Variants in STMN2 observed in about 807,000 individuals in gnomAD.
STMN2 encodes the protein stathmin 2.
Under a neutral mutation model 24.1 loss-of-function variants are expected in STMN2, and 2 were observed. The ratio of observed to expected loss-of-function variants is 0.08; its 90% CI spans 0.03 to 0.26. STMN2 has a LOEUF of 0.26. STMN2 is among the 10% of genes least tolerant of loss of function. The probability of loss-of-function intolerance (pLI) is 1.00; values close to 1 mark genes in which losing one functional copy is unlikely to be tolerated. For missense variants in STMN2, 114 were observed against 213.6 expected (o/e 0.53, Z 2.91); for synonymous variants, 83 against 77.5 (o/e 1.07, Z -0.37).
chr8:79,641,601 C>T (rs1455712286), intron 3 of STMN2, 51 bp downstream of exon 3: 3 of 1,510,378 alleles, frequency 2.0e-6, no homozygotes, highest in Non-Finnish European at 2.7e-6. Context: ...CTGCTCCTCC[C>T]TCTCACACAC....
Position 79,664,865 on chromosome 8 carries a change from G to T in STMN2, c.531G>T (p.Leu177=), listed in dbSNP as rs371260686. 1 of 1,613,100 alleles carries T rather than the reference G, an allele frequency of 6.2e-7. No homozygotes were observed. Among genetic ancestry groups the T allele is most frequent in the South Asian group, 1.1e-5 (1 of 91,036 alleles). ...VRRNKELQVE[L]SG ...GGAACAAGGAACTCCAGGTTGAACT[G>T]TCTGGCTGAAGCAAGGGAGGGTCTG... Residue 177 remains leucine (L), a synonymous_variant, in exon 5 of 5, where the codon CTG becomes CTT. Coordinates refer to ENST00000220876, the MANE Select transcript of STMN2 (RefSeq NM_007029.4).
chr8:79,641,880 C>T (rs1197930171), intron 3 of STMN2, among the ~76,000 whole-genome samples: 1 of 152,152 alleles, frequency 6.6e-6, no homozygotes, highest in Non-Finnish European at 1.5e-5. Flanking sequence ...GCCTCCCTTC[C>T]CTAGACCATC....
At chr8:79,614,480 A>C (rs925057155) in intron 1 of STMN2, among the ~76,000 whole-genome samples, 8 of 152,178 alleles carry the variant, frequency 5.3e-5, no homozygotes, top group African/African-American at 1.9e-4. Flanking sequence ...AATTAATCTC[A>C]TGTATTTAGT....
intron 2 of STMN2, among the ~76,000 whole-genome samples, chr8:79,637,330 T>A (rs989719168): frequency 6.6e-6 from 1 of 152,194 alleles, no homozygotes; most frequent in Non-Finnish European, 1.5e-5. Context: ...ATACTTTGTA[T>A]ATACATGTCA....
chr8:79,664,479 G>A (rs961846469), intron 4 of STMN2, among the ~76,000 whole-genome samples: 6 of 152,096 alleles, frequency 3.9e-5, no homozygotes, highest in Non-Finnish European at 5.9e-5. Context: ...CAAAAGGAAC[G>A]ACATCATTAG....
chr8:79,615,537 C>T (rs1049680759), intron 1 of STMN2, among the ~76,000 whole-genome samples: 1 of 152,166 alleles, frequency 6.6e-6, no homozygotes, highest in African/African-American at 2.4e-5. Context: ...GCCAGTGACC[C>T]AGATGTTTTC....
At position 79,664,853 on chromosome 8, in the gene STMN2, C is replaced by A. The variant is rs1806569111; in HGVS notation, c.519C>A (p.Leu173=). The A allele has an allele frequency of 6.2e-7, 1 of 1,613,154 alleles. No individual in the cohort carries two copies. The highest frequency in any genetic ancestry group is 1.3e-5 in the African/African-American group (1 of 74,944). ...CGGAGGTGCGCAGGAACAAGGAACT[C>A]CAGGTTGAACTGTCTGGCTGAAGCA... ...HAAEVRRNKE[L]QVELSG The change falls in exon 5 of 5, where the codon CTC becomes CTA. Residue 173 remains leucine, a synonymous_variant. Coordinates refer to ENST00000220876, the MANE Select transcript of STMN2 (RefSeq NM_007029.4).
chr8:79,660,833 T>C (rs1253519828), intron 4 of STMN2, among the ~76,000 whole-genome samples: 1 of 151,746 alleles, frequency 6.6e-6, no homozygotes, highest in Non-Finnish European at 1.5e-5. Context: ...GTCTCTAAAG[T>C]CCATTATATC....
chr8:79,615,691 TC>T (rs1809367402), intron 1 of STMN2, among the ~76,000 whole-genome samples: 1 of 152,198 alleles, frequency 6.6e-6, no homozygotes, highest in Non-Finnish European at 1.5e-5. Context: ...TAAAATCTTT[TC>T]TTTTACCAGG....
intron 4 of STMN2, among the ~76,000 whole-genome samples, chr8:79,656,884 G>GTTTTTTTTGTTTT (rs71266026): frequency 6.7e-6 from 1 of 150,206 alleles, no homozygotes. Context: ...TTGTTTGTTT[G>GTTTTTTTTGTTTT]TTTTTTTGAG....
At chr8:79,663,910 G>A (rs1394159083) in intron 4 of STMN2, among the ~76,000 whole-genome samples, 4 of 152,032 alleles carry the variant, frequency 2.6e-5, no homozygotes, top group Non-Finnish European at 5.9e-5. Flanking sequence ...CTAGTACCTT[G>A]GTTCCTTATG....
chr8:79,638,367 T>C (rs1810015151), intron 2 of STMN2, among the ~76,000 whole-genome samples: 1 of 152,222 alleles, frequency 6.6e-6, no homozygotes, highest in South Asian at 2.1e-4. Flanking sequence ...AAATAAGCTG[T>C]TTTTATTTGC....
Position 79,664,979 on chromosome 8 carries a change from G to C in STMN2, c.*105G>C. ...GGGAATGTATGACATGGTTTAAAAAGAACTCATTATAAAAAAAAAAAAACA... is the reference window on the plus strand; with the variant it reads ...GGGAATGTATGACATGGTTTAAAAACAACTCATTATAAAAAAAAAAAAACA... On this transcript the variant is annotated 3_prime_UTR_variant, in exon 5 of 5. Transcript: ENST00000220876. 1.5e-5 allele frequency: 11 copies of C among 710,602 alleles called. No homozygotes were observed. The highest frequency in any genetic ancestry group is 9.5e-5 in the East Asian group (2 of 21,056). The allele number at this position is 710,602 out of a possible 1,614,324, so 44.0% of individuals were successfully genotyped here. A position where few individuals can be genotyped will look rare whatever the true frequency, so the allele number is the denominator to read the frequency against.
chr8:79,615,785 A>AG (rs1809369930), intron 1 of STMN2, among the ~76,000 whole-genome samples: 1 of 152,246 alleles, frequency 6.6e-6, no homozygotes, highest in African/African-American at 2.4e-5. Context: ...TCAAGGAGAC[A>AG]GGATGAAATG....
At chr8:79,634,035 T>G (rs1186950896) in intron 1 of STMN2, among the ~76,000 whole-genome samples, 1 of 152,250 alleles carries the variant, frequency 6.6e-6, no homozygotes, top group African/African-American at 2.4e-5. Flanking sequence ...TCTTTTATTT[T>G]ATTTTTATGT....
chr8:79,619,652 T>C (rs1237768513), intron 1 of STMN2, among the ~76,000 whole-genome samples: 3 of 152,216 alleles, frequency 2.0e-5, no homozygotes, highest in Non-Finnish European at 4.4e-5. Flanking sequence ...CTGGGAACTC[T>C]GCTTCAGAAC....
intron 3 of STMN2, among the ~76,000 whole-genome samples, chr8:79,646,037 T>C (rs1563444011): frequency 6.6e-6 from 1 of 152,210 alleles, no homozygotes. Context: ...AGTCATTGCC[T>C]GAGTACTACA....
At chr8:79,661,571 A>G (rs1345249912) in intron 4 of STMN2, among the ~76,000 whole-genome samples, 2 of 152,082 alleles carry the variant, frequency 1.3e-5, no homozygotes, top group African/African-American at 4.8e-5. Flanking sequence ...AAATAGGAAA[A>G]GGGATTAAAA....
intron 1 of STMN2, among the ~76,000 whole-genome samples, chr8:79,632,851 G>A (rs577736894): frequency 6.6e-6 from 1 of 152,098 alleles, no homozygotes; most frequent in African/African-American, 2.4e-5. Context: ...ACAACAAAAT[G>A]ATAAGTGTTA....
Sources: allele counts gnomAD v4.1 joint callset (sites outside exome capture counted in the v4.1 genomes callset), GRCh38; gene constraint gnomAD v4.1.1; transcripts MANE v1.5; gene names NCBI Gene and HGNC (gene_info 2026-07-23, HGNC 2026-07-21).